The following RIMS2 variants were observed in gnomAD, a reference collection of about 807,000 sequenced individuals.
RIMS2 encodes the protein regulating synaptic membrane exocytosis protein 2.
In RIMS2, 59 loss-of-function variants were observed where a neutral mutation model predicts 174.4. The observed-to-expected ratio is 0.34, with a 90% CI of 0.27 to 0.42. The LOEUF (loss-of-function observed/expected upper bound fraction) is 0.42, where lower values mean the gene tolerates loss of function less well. Among genes scored for constraint, RIMS2 ranks in the 10% least tolerant of loss-of-function variants. The pLI, the probability that RIMS2 is intolerant of heterozygous loss-of-function variation, is 1.00. For synonymous variants in RIMS2, 606 were observed against 572.5 expected, an observed-to-expected ratio of 1.06 and a Z score of -0.84; for missense variants, 1,620 against 1,666.3, an observed-to-expected ratio of 0.97 and a Z score of 0.48.
chr8:103,716,688 A>G (rs2138216636), intron 2 of RIMS2, among the ~76,000 whole-genome samples: 1 of 152,266 alleles, frequency 6.6e-6, no homozygotes, highest in East Asian at 1.9e-4. Flanking sequence ...TAAAATCTTA[A>G]CCTTCTGACT....
chr8:103,809,822 C>T (rs936197236), intron 3 of RIMS2, among the ~76,000 whole-genome samples: 2 of 152,040 alleles, frequency 1.3e-5, no homozygotes, highest in African/African-American at 4.8e-5. Context: ...TGCCTGGGTA[C>T]TTGCGCATTT....
chr8:103,544,439 C>A (rs1475632102), intron 1 of RIMS2, among the ~76,000 whole-genome samples: 1 of 152,230 alleles, frequency 6.6e-6, no homozygotes, highest in Non-Finnish European at 1.5e-5. Context: ...TCAGTGCCTG[C>A]TAGAGCTTCC....
chr8:104,022,055 GTC>G (rs1049964417), intron 19 of RIMS2, among the ~76,000 whole-genome samples: 7 of 152,116 alleles, frequency 4.6e-5, no homozygotes, highest in African/African-American at 1.7e-4. Flanking sequence ...AAATGCAAAA[GTC>G]TGAAAAATAT....
At chr8:103,762,161 A>G (rs1020903212) in intron 2 of RIMS2, among the ~76,000 whole-genome samples, 8 of 151,982 alleles carry the variant, frequency 5.3e-5, no homozygotes, top group African/African-American at 1.9e-4. Context: ...TATGGAATAA[A>G]ACATATGGAA....
chr8:103,786,050 A>T (rs2098440377), intron 3 of RIMS2, among the ~76,000 whole-genome samples: 1 of 151,958 alleles, frequency 6.6e-6, no homozygotes, highest in South Asian at 2.1e-4. Context: ...TTTCTAGTTT[A>T]TTTGCGTAGA....
At chr8:103,835,103 C>CTTTTTTTT (rs528538789) in intron 3 of RIMS2, among the ~76,000 whole-genome samples, 1 of 130,798 alleles carries the variant, frequency 7.6e-6, no homozygotes, top group African/African-American at 2.9e-5. Flanking sequence ...CTTTTCTTTT[C>CTTTTTTTT]TTTTTTTTTT....
At chr8:103,912,268 T>C (rs17816538) in intron 6 of RIMS2, 96 bp downstream of exon 9, 1 of 817,662 alleles carries the variant, frequency 1.2e-6, no homozygotes, top group Non-Finnish European at 1.9e-6. Flanking sequence ...AATTTAGTAG[T>C]GTATTTTTCC....
At chr8:103,533,143 G>C (rs929966117) in intron 1 of RIMS2, among the ~76,000 whole-genome samples, 1 of 152,168 alleles carries the variant, frequency 6.6e-6, no homozygotes, top group Non-Finnish European at 1.5e-5. Flanking sequence ...GTTTCTAAGT[G>C]GTTCTCTTGT....
At chr8:103,687,603 A>C (rs1362582324) in intron 1 of RIMS2, among the ~76,000 whole-genome samples, 2 of 152,134 alleles carry the variant, frequency 1.3e-5, no homozygotes, top group African/African-American at 2.4e-5. Context: ...CATGTTGTAC[A>C]ATAGATCACT....
chr8:103,618,570 G>C (rs2095558704), intron 1 of RIMS2, among the ~76,000 whole-genome samples: 1 of 152,136 alleles, frequency 6.6e-6, no homozygotes, highest in African/African-American at 2.4e-5. Flanking sequence ...TATTGTGTGA[G>C]ACCATTTTCA....
chr8:103,951,546 G>A (rs368990843), intron 14 of RIMS2, among the ~76,000 whole-genome samples: 2 of 152,146 alleles, frequency 1.3e-5, no homozygotes, highest in Non-Finnish European at 2.9e-5. Flanking sequence ...AACCCATTAG[G>A]GACTGTACCT....
chr8:103,906,348 G>T (rs540535097), intron 4 of RIMS2, among the ~76,000 whole-genome samples: 1 of 152,200 alleles, frequency 6.6e-6, no homozygotes, highest in East Asian at 1.9e-4. Context: ...GGGTTCAAAT[G>T]ATTCTCTTGC....
At chr8:104,101,870 T>C (rs2097909958) in intron 19 of RIMS2, among the ~76,000 whole-genome samples, 1 of 152,188 alleles carries the variant, frequency 6.6e-6, no homozygotes, top group South Asian at 2.1e-4. Context: ...CAATCTCTTC[T>C]TGAAACATTT....
At chr8:103,802,780 T>G (rs16870707) in intron 3 of RIMS2, among the ~76,000 whole-genome samples, 1 of 151,992 alleles carries the variant, frequency 6.6e-6, no homozygotes, top group Non-Finnish European at 1.5e-5. Context: ...AGCCACTAAA[T>G]TGATCTTGTT....
At chr8:104,164,419 A>T (rs796995147) in intron 19 of RIMS2, among the ~76,000 whole-genome samples, 24 of 151,866 alleles carry the variant, frequency 1.6e-4, no homozygotes, top group African/African-American at 5.8e-4. Context: ...TTCCAAAAAA[A>T]TAAGGACAAA....
chr8:104,090,930 T>C (rs919592948), intron 19 of RIMS2, among the ~76,000 whole-genome samples: 1 of 151,896 alleles, frequency 6.6e-6, no homozygotes, highest in South Asian at 2.1e-4. Flanking sequence ...GAAATTTACA[T>C]AAGCCAGTCT....
At chr8:103,971,916 G>A (rs906010676) in intron 15 of RIMS2, among the ~76,000 whole-genome samples, 1 of 152,038 alleles carries the variant, frequency 6.6e-6, no homozygotes, top group Admixed American at 6.6e-5. Flanking sequence ...AAAAGTTAAG[G>A]TGCATTAATT....
intron 19 of RIMS2, among the ~76,000 whole-genome samples, chr8:104,217,372 G>T (rs1172655729): frequency 6.6e-6 from 1 of 151,968 alleles, no homozygotes; most frequent in Non-Finnish European, 1.5e-5. Context: ...GGGCCTAAGT[G>T]ATCCTCCCGC....
chr8:103,855,080 G>T (rs2099020465), intron 3 of RIMS2, among the ~76,000 whole-genome samples: 2 of 151,994 alleles, frequency 1.3e-5, no homozygotes, highest in Non-Finnish European at 2.9e-5. Flanking sequence ...TCCTGATTCA[G>T]TCTCGGGAGA....
Sources: allele counts gnomAD v4.1 joint callset (sites outside exome capture counted in the v4.1 genomes callset), GRCh38; gene constraint gnomAD v4.1.1; transcripts MANE v1.5; gene names NCBI Gene and HGNC (gene_info 2026-07-23, HGNC 2026-07-21).